The following FAF1 variants were observed in gnomAD, a reference collection of about 807,000 sequenced individuals.
FAF1 encodes Fas associated factor 1.
In FAF1, 25 loss-of-function variants were observed where a neutral mutation model predicts 92.5. That is an observed-to-expected ratio of 0.27 (90% CI 0.20 to 0.38). The LOEUF (loss-of-function observed/expected upper bound fraction) is 0.38. Ranked by LOEUF, FAF1 falls within the 10% of genes least tolerant of loss-of-function variation. The pLI, the probability that FAF1 is intolerant of heterozygous loss-of-function variation, is 1.00. For missense variants in FAF1, 636 were observed against 793.3 expected (o/e 0.80, Z 2.38); for synonymous variants, 234 against 273.2 (o/e 0.86, Z 1.42).
intron 7 of FAF1, among the ~76,000 whole-genome samples, chr1:50,692,571 C>T (rs769966653): frequency 8.5e-5 from 13 of 152,076 alleles, no homozygotes; most frequent in Admixed American, 1.3e-4. Flanking sequence ...GCATGCTGTC[C>T]TCCAGGTCTT....
At chr1:50,668,781 T>C (rs757447985) in intron 7 of FAF1, among the ~76,000 whole-genome samples, 1 of 152,084 alleles carries the variant, frequency 6.6e-6, no homozygotes, top group Non-Finnish European at 1.5e-5. Context: ...ATAGCTATTT[T>C]AGAAAGAAAA....
chr1:50,874,224 C>T (rs1644551531), intron 1 of FAF1, among the ~76,000 whole-genome samples: 1 of 152,138 alleles, frequency 6.6e-6, no homozygotes, highest in African/African-American at 2.4e-5. Context: ...CTTCAGTCTA[C>T]CAGACCATTT....
chr1:50,731,388 T>C (rs1381768619), intron 6 of FAF1, among the ~76,000 whole-genome samples: 1 of 150,946 alleles, frequency 6.6e-6, no homozygotes, highest in Non-Finnish European at 1.5e-5. Context: ...TTTTTTTTTT[T>C]GAGATGGAGT....
rs193046863 is a variant in FAF1, at chr1:50,905,934, T to C, written c.46-47937A>G. ...TTGGTTGCCATTGCTTTTGGTGTTT[T>C]AGTCATGAAGTCCTTGCCCATGCCT... On this transcript the variant is annotated intron_variant, in intron 1 of 18. Transcript: ENST00000396153. Among the ~76,000 whole-genome samples, 3 of 152,344 alleles carry C rather than the reference T, an allele frequency of 2.0e-5. No individual in the cohort carries two copies. In the East Asian group the frequency reaches 5.8e-4, roughly 29 times the overall value.
At chr1:50,754,350 G>C (rs1037698779) in intron 4 of FAF1, among the ~76,000 whole-genome samples, 2 of 152,152 alleles carry the variant, frequency 1.3e-5, no homozygotes, top group Non-Finnish European at 2.9e-5. Context: ...TCTTGTACTA[G>C]TACTCTCCAC....
chr1:50,853,142 C>A (rs1400611300), intron 2 of FAF1, among the ~76,000 whole-genome samples: 2 of 152,134 alleles, frequency 1.3e-5, no homozygotes, highest in Non-Finnish European at 2.9e-5. Context: ...GTGTTCATAA[C>A]ACTGTATAAA....
intron 7 of FAF1, among the ~76,000 whole-genome samples, chr1:50,673,151 A>C (rs1655970808): frequency 6.6e-6 from 1 of 151,958 alleles, no homozygotes; most frequent in Admixed American, 6.6e-5. Context: ...CCAGCTACTC[A>C]GGAGGCTGAG....
intron 1 of FAF1, among the ~76,000 whole-genome samples, chr1:50,874,574 G>A (rs1490200008): frequency 6.6e-6 from 1 of 151,792 alleles, no homozygotes; most frequent in Non-Finnish European, 1.5e-5. Context: ...ACCTAGGCTG[G>A]TCTTGAGGTA....
intron 5 of FAF1, among the ~76,000 whole-genome samples, chr1:50,739,397 T>C (rs1257964569): frequency 9.1e-6 from 1 of 110,330 alleles, no homozygotes; most frequent in Non-Finnish European, 1.8e-5. Context: ...TGTGTGTTTA[T>C]GTGTATGTGT....
chr1:50,729,058 ATTTT>A (rs1195852048), intron 6 of FAF1, among the ~76,000 whole-genome samples: 1 of 70,130 alleles, frequency 1.4e-5, no homozygotes, highest in Non-Finnish European at 2.7e-5. Flanking sequence ...ATATATATAT[ATTTT>A]TTTTTTTTTT....
chr1:50,793,491 T>C (rs1326771700), intron 3 of FAF1, among the ~76,000 whole-genome samples: 1 of 152,208 alleles, frequency 6.6e-6, no homozygotes, highest in Non-Finnish European at 1.5e-5. Context: ...CCTGCAGTTA[T>C]TTCCCTAGGC....
intron 1 of FAF1, among the ~76,000 whole-genome samples, chr1:50,940,657 T>C (rs1471772185): frequency 1.3e-5 from 2 of 152,262 alleles, no homozygotes; most frequent in African/African-American, 4.8e-5. Flanking sequence ...TTACTTTGCA[T>C]TGATATAGAT....
intron 6 of FAF1, among the ~76,000 whole-genome samples, chr1:50,713,869 G>T (rs1349913058): frequency 6.6e-6 from 1 of 150,992 alleles, no homozygotes; most frequent in Non-Finnish European, 1.5e-5. Context: ...TGCCTTCTGG[G>T]TTCAAGCAAT....
At chr1:50,487,693 A>G (rs1325967615) in intron 17 of FAF1, among the ~76,000 whole-genome samples, 1 of 152,220 alleles carries the variant, frequency 6.6e-6, no homozygotes, top group Non-Finnish European at 1.5e-5. Flanking sequence ...TTTCCCTGCA[A>G]CCAAGGTGAT....
At chr1:50,823,822 C>A (rs1162343268) in intron 2 of FAF1, among the ~76,000 whole-genome samples, 1 of 152,016 alleles carries the variant, frequency 6.6e-6, no homozygotes, top group Non-Finnish European at 1.5e-5. Flanking sequence ...TACAGACTCA[C>A]AATTAAAACT....
intron 3 of FAF1, among the ~76,000 whole-genome samples, chr1:50,794,524 C>T (rs1661673414): frequency 6.6e-6 from 1 of 152,096 alleles, no homozygotes; most frequent in Non-Finnish European, 1.5e-5. Context: ...TGTTCAGGTC[C>T]TGAAAAGAAT....
intron 6 of FAF1, among the ~76,000 whole-genome samples, chr1:50,717,624 T>C (rs1440187181): frequency 6.6e-6 from 1 of 152,154 alleles, no homozygotes; most frequent in African/African-American, 2.4e-5. Context: ...CAAATCCAAA[T>C]TGAAATCTCA....
At chr1:50,521,309 A>G (rs1647488561) in intron 15 of FAF1, among the ~76,000 whole-genome samples, 1 of 152,228 alleles carries the variant, frequency 6.6e-6, no homozygotes, top group Admixed American at 6.5e-5. Flanking sequence ...ACATGGCCAT[A>G]TAAGGCCCCA....
At chr1:50,523,877 G>A (rs1436389564) in intron 15 of FAF1, among the ~76,000 whole-genome samples, 1 of 152,168 alleles carries the variant, frequency 6.6e-6, no homozygotes. Flanking sequence ...CTTTATAACA[G>A]AACAATTTAT....
Sources: allele counts gnomAD v4.1 joint callset (sites outside exome capture counted in the v4.1 genomes callset), GRCh38; gene constraint gnomAD v4.1.1; transcripts MANE v1.5; gene names NCBI Gene and HGNC (gene_info 2026-07-23, HGNC 2026-07-21).